The following MYO16 variants were observed in gnomAD, a reference collection of about 807,000 sequenced individuals.
MYO16 encodes the protein myosin XVI, also known as unconventional myosin-XVI.
MYO16 carries 94 observed loss-of-function variants against 205.3 expected under a neutral mutation model. That is an observed-to-expected ratio of 0.46 (90% CI 0.39 to 0.54). The LOEUF (loss-of-function observed/expected upper bound fraction) is 0.54. MYO16 is among the 20% of genes least tolerant of loss of function. MYO16 has a pLI of 0.00. For synonymous variants in MYO16, 988 were observed against 954.0 expected, an observed-to-expected ratio of 1.04 and a Z score of -0.66; for missense variants, 2,315 against 2,387.5, an observed-to-expected ratio of 0.97 and a Z score of 0.63.
At chr13:108,815,437 G>A (rs959276256) in intron 7 of MYO16, among the ~76,000 whole-genome samples, 18 of 152,160 alleles carry the variant, frequency 1.2e-4, no homozygotes, top group African/African-American at 3.9e-4. Flanking sequence ...GAGACAGAGG[G>A]AGTGTGACTG....
intron 22 of MYO16, among the ~76,000 whole-genome samples, chr13:109,012,061 G>A (rs1190787592): frequency 2.0e-5 from 3 of 152,214 alleles, no homozygotes; most frequent in East Asian, 3.9e-4. Flanking sequence ...GAACGATTAA[G>A]ATATATTAGG....
At chr13:108,552,871 A>T in the MYO16 span, among the ~76,000 whole-genome samples, 2 of 152,146 alleles carry the variant, frequency 1.3e-5, no homozygotes, top group East Asian at 3.9e-4. Context: ...ACATGGTAGA[A>T]TAAGAAAGGA....
chr13:108,620,904 A>G (rs1879516791), intron 1 of MYO16, among the ~76,000 whole-genome samples: 1 of 152,178 alleles, frequency 6.6e-6, no homozygotes. Context: ...ATGACTCATG[A>G]GAAGGAACAG....
At chr13:108,817,910 G>C (rs1875721399) in intron 7 of MYO16, among the ~76,000 whole-genome samples, 1 of 151,992 alleles carries the variant, frequency 6.6e-6, no homozygotes, top group Non-Finnish European at 1.5e-5. Flanking sequence ...AAAATATCTG[G>C]AACAGAATCA....
chr13:109,026,229 G>C (rs1001711254), intron 23 of MYO16, among the ~76,000 whole-genome samples: 6 of 152,040 alleles, frequency 3.9e-5, no homozygotes, highest in African/African-American at 1.2e-4. Flanking sequence ...TTGGAAAAAG[G>C]GTCTTCATTT....
chr13:108,509,295 G>A, the MYO16 span, among the ~76,000 whole-genome samples: 8 of 152,042 alleles, frequency 5.3e-5, no homozygotes, highest in East Asian at 1.3e-3. Context: ...TTTAAGTGAC[G>A]ATTTCTCTCC....
chr13:109,040,361 TACAC>T (rs367712905), intron 23 of MYO16, among the ~76,000 whole-genome samples: 9 of 112,860 alleles, frequency 8.0e-5, no homozygotes, highest in Non-Finnish European at 1.3e-4. Flanking sequence ...GACAGTAGCA[TACAC>T]ACACACACAC....
At chr13:108,782,918 A>T (rs563639791) in intron 4 of MYO16, among the ~76,000 whole-genome samples, 4 of 152,324 alleles carry the variant, frequency 2.6e-5, no homozygotes, top group Admixed American at 2.6e-4. Context: ...AAACACCTGG[A>T]TTCCCAAGCA....
intron 10 of MYO16, among the ~76,000 whole-genome samples, chr13:108,852,911 A>T (rs1328827444): frequency 6.6e-6 from 1 of 152,254 alleles, no homozygotes; most frequent in Non-Finnish European, 1.5e-5. Context: ...AGATTGGAAG[A>T]TGTACAACTG....
chr13:108,551,765 C>G, the MYO16 span, among the ~76,000 whole-genome samples: 4 of 152,150 alleles, frequency 2.6e-5, no homozygotes, highest in Admixed American at 2.6e-4. Flanking sequence ...TATCACTTCA[C>G]AACTAACATC....
intron 1 of MYO16, among the ~76,000 whole-genome samples, chr13:108,652,154 T>TGTGC (rs1566529608): frequency 6.6e-6 from 1 of 150,986 alleles, no homozygotes; most frequent in African/African-American, 2.4e-5. Context: ...TGTGTGTGTG[T>TGTGC]GCGCGCGCGC....
At chr13:108,708,984 A>G (rs559672030) in intron 2 of MYO16, among the ~76,000 whole-genome samples, 5 of 152,060 alleles carry the variant, frequency 3.3e-5, no homozygotes, top group African/African-American at 9.7e-5. Context: ...TTAAATATCA[A>G]ATCATGCCCC....
intron 4 of MYO16, among the ~76,000 whole-genome samples, chr13:108,747,273 T>G (rs1043859686): frequency 2.0e-5 from 3 of 151,874 alleles, no homozygotes; most frequent in Admixed American, 1.3e-4. Context: ...CCACATGACT[T>G]TCGTTTTTCT....
chr13:108,964,047 GGACCCCGCCCT>G (rs2139372405), intron 19 of MYO16, among the ~76,000 whole-genome samples: 1 of 152,266 alleles, frequency 6.6e-6, no homozygotes, highest in South Asian at 2.1e-4. Flanking sequence ...CATTGCACGT[GGACCCCGCCCT>G]GTTCCTAGTC....
chr13:109,137,381 A>G (rs922863154), intron 31 of MYO16, among the ~76,000 whole-genome samples: 4 of 152,228 alleles, frequency 2.6e-5, no homozygotes, highest in African/African-American at 9.6e-5. Context: ...TGAAAATATT[A>G]TTGAAGCCAG....
At chr13:108,564,212 C>G in the MYO16 span, among the ~76,000 whole-genome samples, 1 of 149,038 alleles carries the variant, frequency 6.7e-6, no homozygotes. Flanking sequence ...GCTCTCTTGC[C>G]CAGGCTGGAA....
At chr13:109,075,303 T>G (rs1207601570) in intron 27 of MYO16, among the ~76,000 whole-genome samples, 2 of 148,882 alleles carry the variant, frequency 1.3e-5, no homozygotes, top group Non-Finnish European at 3.0e-5. Context: ...CCCTTTTGTC[T>G]TCCCGTCTCC....
chr13:108,507,410 G>GT, the MYO16 span, among the ~76,000 whole-genome samples: 41 of 151,532 alleles, frequency 2.7e-4, no homozygotes, highest in Middle Eastern at 3.4e-3. Flanking sequence ...TGCTTGCTAG[G>GT]TTTTTTTTAA....
Position 109,165,057 on chromosome 13 carries a change from A to G in MYO16, c.5321A>G (p.Asn1774Ser), listed in dbSNP as rs771585302. Residue 1774 changes from asparagine (N) to serine (S), a missense_variant and splice_region_variant, in exon 33 of 35, where the codon AAT becomes AGT. By Grantham distance (46) the Asn-to-Ser change is conservative (BLOSUM62 1). Around this residue, in one of 3 missense-constraint regions of MYO16, gnomAD observed 1,097 missense variants for 1,092.0 expected, o/e 1.00. Transcript: ENST00000457511. ...GCTGAAAATGGAAATTCCATCTCAAATGGTAAGCACTTTTTAAACTCAGAA... is the reference window on the plus strand; with the variant it reads ...GCTGAAAATGGAAATTCCATCTCAAGTGGTAAGCACTTTTTAAACTCAGAA... The part of the protein sequence containing the change: ...ITAENGNSIS[N>S]GLPEEDGYSR... The G allele has an allele frequency of 1.3e-6, 2 of 1,592,818 alleles. No individual in the cohort carries two copies. The highest frequency in any genetic ancestry group is 1.7e-6 in the Non-Finnish European group (2 of 1,171,462).
Sources: allele counts gnomAD v4.1 joint callset (sites outside exome capture counted in the v4.1 genomes callset), GRCh38; gene constraint gnomAD v4.1.1; regional missense constraint gnomAD v4.1.1; transcripts MANE v1.5; gene names NCBI Gene and HGNC (gene_info 2026-07-23, HGNC 2026-07-21).